The following ERBB4 variants were observed in gnomAD, a reference collection of about 807,000 sequenced individuals.
ERBB4 encodes erb-b2 receptor tyrosine kinase 4.
A neutral mutation model predicts 158.0 loss-of-function variants in ERBB4; 42 were observed. That is an observed-to-expected ratio of 0.27 (90% CI 0.21 to 0.34). The LOEUF (loss-of-function observed/expected upper bound fraction) is 0.34, where lower values mean the gene tolerates loss of function less well. Ranked by LOEUF, ERBB4 falls within the 10% of genes least tolerant of loss-of-function variation. ERBB4 has a pLI of 1.00. For synonymous variants in ERBB4, 583 were observed against 558.7 expected, an observed-to-expected ratio of 1.04 and a Z score of -0.61; for missense variants, 1,333 against 1,624.1, an observed-to-expected ratio of 0.82 and a Z score of 3.08.
chr2:211,936,649 T>C (rs1023080801), intron 3 of ERBB4, among the ~76,000 whole-genome samples: 2 of 152,236 alleles, frequency 1.3e-5, no homozygotes, highest in African/African-American at 2.4e-5. Context: ...TGCTGATGTA[T>C]AATAACAATC....
intron 3 of ERBB4, among the ~76,000 whole-genome samples, chr2:211,845,169 G>A (rs542224401): frequency 1.1e-4 from 16 of 152,004 alleles, no homozygotes; most frequent in Admixed American, 3.3e-4. Context: ...GCCAGCTCCC[G>A]ACTAACAGCT....
intron 3 of ERBB4, among the ~76,000 whole-genome samples, chr2:211,905,624 A>T (rs1234667926): frequency 7.2e-6 from 1 of 138,434 alleles, no homozygotes; most frequent in East Asian, 2.2e-4. Context: ...CTATGACATG[A>T]AGAGCAGTAA....
chr2:212,243,582 GTAAA>G (rs1177957889), intron 1 of ERBB4, among the ~76,000 whole-genome samples: 1 of 151,988 alleles, frequency 6.6e-6, no homozygotes, highest in Non-Finnish European at 1.5e-5. Context: ...TTTTTTCAGA[GTAAA>G]TATACTGTAG....
intron 4 of ERBB4, among the ~76,000 whole-genome samples, chr2:211,768,698 C>A (rs2075617817): frequency 6.6e-6 from 1 of 152,154 alleles, no homozygotes; most frequent in Non-Finnish European, 1.5e-5. Flanking sequence ...GAATGCAGGG[C>A]AGCAAGTCCT....
chr2:212,260,294 A>C (rs976690696), intron 1 of ERBB4, among the ~76,000 whole-genome samples: 1 of 152,334 alleles, frequency 6.6e-6, no homozygotes, highest in Admixed American at 6.5e-5. Context: ...GAAAAGAAAC[A>C]AAAGAGTAGA....
rs536291002 is a variant in ERBB4 at position 211,782,536 on chromosome 2, G to A, written c.556+5489C>T. Among the ~76,000 whole-genome samples, 4 of 152,300 alleles carry A rather than the reference G, an allele frequency of 2.6e-5. No homozygotes were observed. The South Asian group carries it at 8.3e-4, about 32-fold the overall frequency. ...TGACTTGCTTAAGGTCAAATTGCTG[G>A]TAAGCAGCAGTGCCATGATGTAAAT... On this transcript the variant is annotated intron_variant, in intron 4 of 27. Transcript: ENST00000342788.
chr2:212,147,547 A>T (rs2080723359), intron 1 of ERBB4, among the ~76,000 whole-genome samples: 1 of 152,092 alleles, frequency 6.6e-6, no homozygotes, highest in Non-Finnish European at 1.5e-5. Context: ...AAACTCAGAG[A>T]TATAAAATGA....
intron 20 of ERBB4, among the ~76,000 whole-genome samples, chr2:211,506,889 T>C (rs1391820617): frequency 2.6e-5 from 4 of 151,908 alleles, no homozygotes; most frequent in South Asian, 4.2e-4. Context: ...CTAAATGAGA[T>C]TGAGACCAAA....
At chr2:212,379,969 T>C (rs530544620) in intron 1 of ERBB4, among the ~76,000 whole-genome samples, 52 of 151,544 alleles carry the variant, frequency 3.4e-4, no homozygotes, top group African/African-American at 1.2e-3. Context: ...CAGGCACCTG[T>C]ATCAGTTCTA....
At chr2:212,121,342 C>T (rs112000138) in intron 2 of ERBB4, among the ~76,000 whole-genome samples, 80 of 152,248 alleles carry the variant, frequency 5.3e-4, no homozygotes, top group African/African-American at 1.9e-3. Context: ...CCTTCCTCAG[C>T]CTCCCAAGTA....
At chr2:212,135,238 A>G (rs2080235719) in intron 1 of ERBB4, among the ~76,000 whole-genome samples, 1 of 152,186 alleles carries the variant, frequency 6.6e-6, no homozygotes, top group African/African-American at 2.4e-5. Context: ...GCTACTATAT[A>G]GTGTGAGGGA....
chr2:211,807,554 T>G (rs1283252582), intron 3 of ERBB4, among the ~76,000 whole-genome samples: 3 of 152,180 alleles, frequency 2.0e-5, no homozygotes, highest in Non-Finnish European at 4.4e-5. Flanking sequence ...TGATGGATAT[T>G]TGGGTTGGTT....
intron 1 of ERBB4, among the ~76,000 whole-genome samples, chr2:212,237,618 C>T (rs2083926888): frequency 6.6e-6 from 1 of 152,192 alleles, no homozygotes; most frequent in African/African-American, 2.4e-5. Flanking sequence ...GCTGGGAGGT[C>T]TGCTGCTCTC....
chr2:212,376,836 T>G (rs1210536915), intron 1 of ERBB4, among the ~76,000 whole-genome samples: 1 of 152,036 alleles, frequency 6.6e-6, no homozygotes, highest in Non-Finnish European at 1.5e-5. Context: ...TCTTCTAATT[T>G]CATTTTTCCA....
intron 17 of ERBB4, among the ~76,000 whole-genome samples, chr2:211,625,650 G>T (rs2069814576): frequency 6.6e-6 from 1 of 152,114 alleles, no homozygotes; most frequent in Non-Finnish European, 1.5e-5. Flanking sequence ...ATTTCAAAAT[G>T]ATTGCTCAAC....
chr2:211,676,666 T>A (rs1378147864), intron 13 of ERBB4, among the ~76,000 whole-genome samples: 5 of 152,198 alleles, frequency 3.3e-5, no homozygotes. Context: ...CCATACTTAA[T>A]TAAACCAGTT....
chr2:211,713,725 AG>A, intron 7 of ERBB4, 77 bp from the exon 8 acceptor site: 1 of 871,302 alleles, frequency 1.1e-6, no homozygotes, highest in Non-Finnish European at 1.9e-6. Context: ...AAGATATTTT[AG>A]GGTTTAAAAA....
At chr2:212,047,329 T>C (rs992842450) in intron 2 of ERBB4, among the ~76,000 whole-genome samples, 7 of 152,186 alleles carry the variant, frequency 4.6e-5, no homozygotes, top group African/African-American at 1.7e-4. Context: ...CAATAGCTTA[T>C]CTAAATGGAT....
chr2:212,474,822 C>CTTTTTTTTTTTTTTTTTTTT lies in ERBB4; in HGVS notation c.82+63626_82+63627insAAAAAAAAAAAAAAAAAAAA, dbSNP rs539959668. On this transcript the variant is annotated intron_variant, in intron 1 of 27. Coordinates refer to ENST00000342788, the MANE Select transcript of ERBB4 (RefSeq NM_005235.3). ...CACCATTTCCTGACACCCGGCCATT[C>CTTTTTTTTTTTTTTTTTTTT]TTTTTTTTTTTTTTTTTTGTCAAGA... Among the ~76,000 whole-genome samples the CTTTTTTTTTTTTTTTTTTTT allele has an allele frequency of 2.8e-3, 268 of 94,402 alleles. 27 individuals carry two copies. The highest frequency in any genetic ancestry group is 3.4e-3 in the Non-Finnish European group (181 of 53,288). 61.9% of individuals were successfully genotyped at this position (94,402 alleles called of 152,430 possible).
Sources: gnomAD v4.1 joint callset for allele counts (sites outside exome capture counted in the v4.1 genomes callset) on GRCh38, gnomAD v4.1.1 for gene constraint, MANE v1.5 for transcripts, NCBI Gene and HGNC (gene_info 2026-07-23, HGNC 2026-07-21) for gene names.